The following MEIS2 variants were observed in gnomAD, a reference collection of about 807,000 sequenced individuals.
The protein encoded by MEIS2 is Meis homeobox 2.
In MEIS2, 9 loss-of-function variants were observed where a neutral mutation model predicts 58.6. The ratio of observed to expected loss-of-function variants is 0.15; its 90% CI spans 0.09 to 0.27. The LOEUF (loss-of-function observed/expected upper bound fraction) is 0.27. MEIS2 is among the 10% of genes least tolerant of loss of function. The pLI is 1.00. For synonymous variants in MEIS2, 221 were observed against 228.4 expected (o/e 0.97, Z 0.29); for missense variants, 427 against 635.0 (o/e 0.67, Z 3.52).
chr15:37,017,757 C>T (rs2061398269), intron 8 of MEIS2, among the ~76,000 whole-genome samples: 1 of 152,164 alleles, frequency 6.6e-6, no homozygotes, highest in Admixed American at 6.5e-5. Flanking sequence ...GATCACCTAG[C>T]AACAGTACAA....
At chr15:36,959,061 G>A (rs933861500) in intron 8 of MEIS2, among the ~76,000 whole-genome samples, 1 of 152,080 alleles carries the variant, frequency 6.6e-6, no homozygotes, top group Admixed American at 6.6e-5. Context: ...GGATATTAGC[G>A]GTCATCTAAC....
chr15:36,966,748 A>G (rs2059372313), intron 8 of MEIS2, among the ~76,000 whole-genome samples: 1 of 152,232 alleles, frequency 6.6e-6, no homozygotes, highest in Non-Finnish European at 1.5e-5. Context: ...CTCTGGGGGT[A>G]ACAAACTTCA....
intron 9 of MEIS2, among the ~76,000 whole-genome samples, chr15:36,907,917 G>C (rs1262330839): frequency 1.8e-5 from 1 of 54,630 alleles, no homozygotes; most frequent in East Asian, 7.9e-4. Flanking sequence ...ATCTAGTAAA[G>C]GTGCCAATGG....
chr15:36,948,111 A>AT (rs954870530), intron 9 of MEIS2, among the ~76,000 whole-genome samples: 2 of 151,866 alleles, frequency 1.3e-5, no homozygotes, highest in African/African-American at 4.8e-5. Flanking sequence ...GGATTATAGG[A>AT]TTTTTCTGAA....
rs1333947084 is a variant in MEIS2, at chr15:37,004,041, T to C, written c.900+32773A>G. 5.9e-5 allele frequency among the ~76,000 whole-genome samples: 9 copies of C among 152,222 alleles called. No homozygotes were observed. The East Asian group carries it at 1.3e-3, about 23-fold the overall frequency. ...TTACAGCAGCCAAAAATGACTGAGA[T>C]GAAATGTAAATGAGCAATTAAAATT... is the stretch of plus-strand genomic sequence containing the variant. On this transcript the variant is annotated intron_variant, in intron 8 of 11. Transcript: ENST00000561208.
At chr15:37,028,465 G>A (rs1373823357) in intron 8 of MEIS2, among the ~76,000 whole-genome samples, 3 of 152,138 alleles carry the variant, frequency 2.0e-5, no homozygotes, top group Admixed American at 1.3e-4. Context: ...CCCCTCAAGA[G>A]AGACAAAGTA....
At chr15:36,904,220 TCAA>T (rs1203846056) in intron 9 of MEIS2, among the ~76,000 whole-genome samples, 1 of 152,122 alleles carries the variant, frequency 6.6e-6, no homozygotes, top group Admixed American at 6.5e-5. Context: ...CCCAGCAACA[TCAA>T]CAAGCTCTGA....
intron 7 of MEIS2, among the ~76,000 whole-genome samples, chr15:37,043,460 C>T (rs1299417138): frequency 2.0e-5 from 3 of 151,996 alleles, no homozygotes; most frequent in Non-Finnish European, 4.4e-5. Context: ...TATAAAGATA[C>T]TTATATGTGT....
chr15:36,908,879 T>C (rs1385073042), intron 9 of MEIS2, among the ~76,000 whole-genome samples: 1 of 151,970 alleles, frequency 6.6e-6, no homozygotes, highest in Non-Finnish European at 1.5e-5. Flanking sequence ...GCGGAGGTTG[T>C]GGTGAGCCGA....
intron 8 of MEIS2, among the ~76,000 whole-genome samples, chr15:36,997,319 T>C (rs12901667): frequency 0.75 from 113,388 of 151,990 alleles, 45,594 homozygotes; most frequent in Non-Finnish European, 0.91. Context: ...TTAATTTTTA[T>C]TGTCTGCCCT....
intron 8 of MEIS2, among the ~76,000 whole-genome samples, chr15:36,971,880 ATTGCTGCAAAATGGAAAAGAATATAT>A (rs2059584112): frequency 6.6e-6 from 1 of 152,180 alleles, no homozygotes; most frequent in African/African-American, 2.4e-5. Flanking sequence ...CTTAGTTTCT[ATTGCTGCAAAATGGAAAAGAATATAT>A]TTGGACAGCA....
At chr15:37,023,237 T>C (rs2061586523) in intron 8 of MEIS2, among the ~76,000 whole-genome samples, 1 of 152,182 alleles carries the variant, frequency 6.6e-6, no homozygotes, top group South Asian at 2.1e-4. Flanking sequence ...TAAATGTATA[T>C]TTTGATGAAG....
chr15:37,057,470 G>A (rs557356451), intron 7 of MEIS2, among the ~76,000 whole-genome samples: 11 of 152,136 alleles, frequency 7.2e-5, no homozygotes, highest in Middle Eastern at 3.4e-3. Flanking sequence ...ACACAAAGTC[G>A]GAGTGCAGCT....
chr15:37,004,961 A>G (rs2060864500), intron 8 of MEIS2, among the ~76,000 whole-genome samples: 1 of 151,074 alleles, frequency 6.6e-6, no homozygotes, highest in African/African-American at 2.4e-5. Context: ...TCCCCCAAAT[A>G]TGTACAATTA....
intron 7 of MEIS2, among the ~76,000 whole-genome samples, chr15:37,080,398 A>G (rs1378835722): frequency 6.6e-6 from 1 of 152,122 alleles, no homozygotes; most frequent in Non-Finnish European, 1.5e-5. Context: ...TCACATGCGT[A>G]ACTCCCATCA....
At chr15:36,997,714 C>T (rs1259846488) in intron 8 of MEIS2, among the ~76,000 whole-genome samples, 1 of 152,094 alleles carries the variant, frequency 6.6e-6, no homozygotes, top group East Asian at 1.9e-4. Flanking sequence ...ATCTCCTGAC[C>T]TAGTGATCTG....
intron 9 of MEIS2, among the ~76,000 whole-genome samples, chr15:36,921,548 C>T (rs1038149508): frequency 1.3e-5 from 2 of 152,168 alleles, no homozygotes; most frequent in East Asian, 3.8e-4. Flanking sequence ...TTGCTTTCTG[C>T]CTCACTGTCG....
intron 8 of MEIS2, among the ~76,000 whole-genome samples, chr15:36,971,746 T>C (rs894275579): frequency 6.6e-6 from 1 of 152,054 alleles, no homozygotes; most frequent in African/African-American, 2.4e-5. Context: ...CAGAAATCAA[T>C]ATTTCCTTAA....
At chr15:36,975,174 A>G (rs535677545) in intron 8 of MEIS2, among the ~76,000 whole-genome samples, 2 of 152,348 alleles carry the variant, frequency 1.3e-5, no homozygotes, top group Non-Finnish European at 2.9e-5. Context: ...GTTACCAGGT[A>G]TGTATCTCCT....
Sources: gnomAD v4.1 joint callset for allele counts (sites outside exome capture counted in the v4.1 genomes callset) on GRCh38, gnomAD v4.1.1 for gene constraint, MANE v1.5 for transcripts, NCBI Gene and HGNC (gene_info 2026-07-23, HGNC 2026-07-21) for gene names.